Variants in NIM1K observed in about 807,000 individuals in gnomAD.
NIM1K encodes serine/threonine-protein kinase NIM1.
NIM1K carries 35 observed loss-of-function variants against 37.1 expected under a neutral mutation model. That is an observed-to-expected ratio of 0.94 (90% CI 0.72 to 1.25). The LOEUF (loss-of-function observed/expected upper bound fraction) is 1.25, where lower values mean the gene tolerates loss of function less well. Among genes scored for constraint, NIM1K ranks in the 50% most tolerant of loss-of-function variants. The probability of loss-of-function intolerance (pLI) is 0.00; values close to 1 mark genes in which losing one functional copy is unlikely to be tolerated. For missense variants in NIM1K, 564 were observed against 548.0 expected, an observed-to-expected ratio of 1.03 and a Z score of -0.29; for synonymous variants, 234 against 206.6, an observed-to-expected ratio of 1.13 and a Z score of -1.14.
chr5:43,233,522 G>C (rs1366133579), intron 1 of NIM1K, among the ~76,000 whole-genome samples: 1 of 152,172 alleles, frequency 6.6e-6, no homozygotes, highest in Admixed American at 6.5e-5. Context: ...AGGAGCTTTT[G>C]TTCCACAACA....
rs1454160315 is a variant in NIM1K, at chr5:43,280,552, T to G, written c.1134T>G (p.Asp378Glu). The G allele has an allele frequency of 1.2e-6, 2 of 1,614,150 alleles. No individual in the cohort carries two copies. Among genetic ancestry groups the G allele is most frequent in the Non-Finnish European group, 1.7e-6 (2 of 1,180,012 alleles). The change falls in exon 4 of 4, where the codon GAT (aspartate) becomes GAG (glutamate). Residue 378 changes from aspartate (D) to glutamate (E), a missense_variant. By Grantham distance (45) the Asp-to-Glu change is conservative (BLOSUM62 2). Coordinates refer to ENST00000326035, the MANE Select transcript of NIM1K (RefSeq NM_153361.4). ...ATATTCGAAATAACCAAGGGAGAGATGCTCGCAGCTCAATCACAGGGGTCT... is the reference window on the plus strand; with the variant it reads ...ATATTCGAAATAACCAAGGGAGAGAGGCTCGCAGCTCAATCACAGGGGTCT... ...EEHIRNNQGR[D>E]ARSSITGVYR...
At chr5:43,258,743 C>G (rs537287604) in intron 2 of NIM1K, among the ~76,000 whole-genome samples, 1 of 152,012 alleles carries the variant, frequency 6.6e-6, no homozygotes, top group Non-Finnish European at 1.5e-5. Context: ...GAGTCTGGCT[C>G]GTATGCATTT....
intron 1 of NIM1K, among the ~76,000 whole-genome samples, chr5:43,222,900 G>A (rs958390819): frequency 3.9e-5 from 6 of 151,954 alleles, no homozygotes; most frequent in Non-Finnish European, 7.4e-5. Context: ...CAGAACTTTC[G>A]GAGGCCGAGG....
Position 43,213,936 on chromosome 5 carries a change from T to TCTTA in NIM1K, c.-695+21528_-695+21529insACTT, listed in dbSNP as rs1752258611. On this transcript the variant is annotated intron_variant, in intron 1 of 3. Transcript: ENST00000326035. The stretch of plus-strand genomic sequence containing the variant: ...GAGCCACCATGCCTAGCTCTTTCTC[T>TCTTA]CTTTCTTTCTTTCTTTTTTCTTTCT... 0.011 allele frequency among the ~76,000 whole-genome samples: 6 copies of TCTTA among 522 alleles called. No individual in the cohort carries two copies. The South Asian group carries it at 0.27, about 24-fold the overall frequency. 0.3% of individuals were successfully genotyped at this position (522 alleles called of 152,430 possible).
In NIM1K at chr5:43,280,328, G is replaced by C. The variant is rs1490874598; in HGVS notation, c.910G>C (p.Gly304Arg). The change falls in exon 4 of 4, where the codon GGA (glycine) becomes CGA (arginine). Residue 304 changes from glycine to arginine, a missense_variant. By Grantham distance (125) the Gly-to-Arg change is moderately radical. Coordinates refer to ENST00000326035, the MANE Select transcript of NIM1K (RefSeq NM_153361.4). ...VSEPCHRLIR[G>R]VLQQIPTERY... ...AGAGCCCTGCCACCGACTCATCCGA[G>C]GAGTCCTTCAGCAGATCCCCACGGA... 1 of 1,614,030 alleles carries C rather than the reference G, an allele frequency of 6.2e-7. No homozygotes were observed. Among genetic ancestry groups the C allele is most frequent in the African/African-American group, 1.3e-5 (1 of 74,930 alleles).
intron 2 of NIM1K, among the ~76,000 whole-genome samples, chr5:43,260,129 G>A (rs1753005971): frequency 6.6e-6 from 1 of 152,128 alleles, no homozygotes; most frequent in Non-Finnish European, 1.5e-5. Context: ...TCTTTTGAAG[G>A]AATCTTTAGG....
chr5:43,214,833 A>G (rs1292528256), intron 1 of NIM1K, among the ~76,000 whole-genome samples: 1 of 136,088 alleles, frequency 7.3e-6, no homozygotes, highest in Non-Finnish European at 1.6e-5. Flanking sequence ...AAAAAAAAAC[A>G]AAAAAGAAAA....
chr5:43,206,529 G>T (rs1428714011), intron 1 of NIM1K, among the ~76,000 whole-genome samples: 4 of 151,676 alleles, frequency 2.6e-5, no homozygotes, highest in Non-Finnish European at 1.5e-5. Context: ...AAATAGGTTG[G>T]GGGAGAAAAA....
chr5:43,234,911 G>A (rs1052943853), intron 1 of NIM1K, among the ~76,000 whole-genome samples: 2 of 152,046 alleles, frequency 1.3e-5, no homozygotes, highest in Non-Finnish European at 2.9e-5. Context: ...CTGGGATTAT[G>A]GGCATGAGCC....
At chr5:43,257,979 C>A (rs1324544184) in intron 2 of NIM1K, among the ~76,000 whole-genome samples, 1 of 152,066 alleles carries the variant, frequency 6.6e-6, no homozygotes, top group East Asian at 1.9e-4. Flanking sequence ...GTTTAAAAAT[C>A]ATGAGTATTC....
intron 1 of NIM1K, among the ~76,000 whole-genome samples, chr5:43,235,522 T>G (rs895839950): frequency 6.6e-6 from 1 of 152,214 alleles, no homozygotes; most frequent in African/African-American, 2.4e-5. Flanking sequence ...TAAACTCAAC[T>G]ATCTATTTTC....
intron 1 of NIM1K, among the ~76,000 whole-genome samples, chr5:43,212,084 C>T (rs189664303): frequency 6.6e-6 from 1 of 152,058 alleles, no homozygotes; most frequent in African/African-American, 2.4e-5. Context: ...CTTTTATTTC[C>T]GCCTCTCTTG....
chr5:43,214,591 G>T (rs1752270925), intron 1 of NIM1K, among the ~76,000 whole-genome samples: 1 of 151,320 alleles, frequency 6.6e-6, no homozygotes, highest in African/African-American at 2.4e-5. Flanking sequence ...CGAAGCGGGC[G>T]GATCACGAGG....
chr5:43,195,139 T>C (rs1054347557), intron 1 of NIM1K, among the ~76,000 whole-genome samples: 2 of 152,256 alleles, frequency 1.3e-5, no homozygotes, highest in Non-Finnish European at 2.9e-5. Flanking sequence ...TTTTGTCATT[T>C]CCTATTGTCA....
In NIM1K at chr5:43,232,805, A is replaced by C; in HGVS notation, c.-694-12277A>C. The C allele has an allele frequency of 2.8e-6, 3 of 1,069,144 alleles. No individual in the cohort carries two copies. The South Asian group carries it at 4.0e-5, about 14-fold the overall frequency. The allele number at this position is 1,069,144 out of a possible 1,614,324, so 66.2% of individuals were successfully genotyped here. A position where few individuals can be genotyped will look rare whatever the true frequency, so the allele number is the denominator to read the frequency against. On this transcript the variant is annotated intron_variant, in intron 1 of 3. Transcript: ENST00000326035. ...TCCATGCACTGTTCAGCCAGTTTAC[A>C]AATTTGGTCCAAAACGAGGTCAGTG...
intron 1 of NIM1K, among the ~76,000 whole-genome samples, chr5:43,224,039 T>C (rs1426259566): frequency 2.8e-5 from 2 of 71,142 alleles, no homozygotes; most frequent in Non-Finnish European, 5.8e-5. Flanking sequence ...TTGAATACAT[T>C]ATTTTCACTT....
rs142486926 is a variant in NIM1K, at chr5:43,236,331, C to A, written c.-694-8751C>A. On this transcript the variant is annotated intron_variant, in intron 1 of 3. Coordinates refer to ENST00000326035, the MANE Select transcript of NIM1K (RefSeq NM_153361.4). Reference sequence around the variant, plus strand: ...ATAAACATTAAAAAAAAAATGGAGTCGCCAGACTTGGTGGGTGGATTGCAC... The same window carrying A: ...ATAAACATTAAAAAAAAAATGGAGTAGCCAGACTTGGTGGGTGGATTGCAC... 1.9e-3 allele frequency among the ~76,000 whole-genome samples: 288 copies of A among 151,644 alleles called. 2 individuals are homozygous for A. The highest frequency in any genetic ancestry group is 6.7e-3 in the African/African-American group (276 of 41,354).
At chr5:43,251,273 A>G (rs1752862837) in intron 2 of NIM1K, among the ~76,000 whole-genome samples, 1 of 152,246 alleles carries the variant, frequency 6.6e-6, no homozygotes, top group Non-Finnish European at 1.5e-5. Context: ...AATTTTTAAA[A>G]CATGCTAACA....
At chr5:43,193,547 A>G (rs1751865002) in intron 1 of NIM1K, 1 of 151,978 alleles carries the variant, frequency 6.6e-6, no homozygotes, top group African/African-American at 2.4e-5. Flanking sequence ...CAAGTTTGGA[A>G]ATTACACAAA....
Sources: allele counts gnomAD v4.1 joint callset (sites outside exome capture counted in the v4.1 genomes callset), GRCh38; gene constraint gnomAD v4.1.1; transcripts MANE v1.5; gene names NCBI Gene and HGNC (gene_info 2026-07-23, HGNC 2026-07-21).